Variants in BMP5 observed in about 807,000 individuals in gnomAD.
BMP5 encodes the protein bone morphogenetic protein 5.
Under a neutral mutation model 46.6 loss-of-function variants are expected in BMP5, and 23 were observed. That is an observed-to-expected ratio of 0.49 (90% CI 0.35 to 0.70). The LOEUF (loss-of-function observed/expected upper bound fraction) is 0.70, where lower values mean the gene tolerates loss of function less well. BMP5 is among the 30% of genes least tolerant of loss of function. BMP5 has a pLI of 0.00. For synonymous variants in BMP5, 204 were observed against 191.9 expected (o/e 1.06, Z -0.52); for missense variants, 545 against 565.6 (o/e 0.96, Z 0.37).
At chr6:55,832,982 G>A (rs1776702104) in intron 1 of BMP5, among the ~76,000 whole-genome samples, 1 of 152,012 alleles carries the variant, frequency 6.6e-6, no homozygotes, top group African/African-American at 2.4e-5. Context: ...GGGGAATGGT[G>A]GCACATGCCT....
At chr6:55,837,729 T>C (rs899219387) in intron 1 of BMP5, among the ~76,000 whole-genome samples, 5 of 152,192 alleles carry the variant, frequency 3.3e-5, no homozygotes, top group African/African-American at 9.6e-5. Flanking sequence ...TCTGTTGTGC[T>C]ACCAAAGAGT....
At chr6:55,842,660 CA>C (rs1278195434) in intron 1 of BMP5, among the ~76,000 whole-genome samples, 2 of 151,980 alleles carry the variant, frequency 1.3e-5, no homozygotes, top group Admixed American at 1.3e-4. Flanking sequence ...TGCCCCGACA[CA>C]AAAAACCTGG....
intron 2 of BMP5, among the ~76,000 whole-genome samples, chr6:55,806,201 G>A (rs779670743): frequency 1.3e-5 from 2 of 152,034 alleles, no homozygotes; most frequent in Non-Finnish European, 2.9e-5. Context: ...TATGATTTGG[G>A]GCTTTACATT....
chr6:55,807,210 A>T (rs1041893487), intron 2 of BMP5, among the ~76,000 whole-genome samples: 3 of 152,192 alleles, frequency 2.0e-5, no homozygotes, highest in Non-Finnish European at 4.4e-5. Flanking sequence ...TGGGTTTGTC[A>T]TAAATAGCTC....
At chr6:55,832,691 C>T (rs1776694496) in intron 1 of BMP5, among the ~76,000 whole-genome samples, 1 of 152,088 alleles carries the variant, frequency 6.6e-6, no homozygotes, top group African/African-American at 2.4e-5. Context: ...ACATCAATGC[C>T]TCCTATTAAA....
At chr6:55,841,916 CAGAGAGAGAGAG>C (rs143400522) in intron 1 of BMP5, among the ~76,000 whole-genome samples, 1 of 146,844 alleles carries the variant, frequency 6.8e-6, no homozygotes, top group Non-Finnish European at 1.5e-5. Context: ...GAGAGAGAGA[CAGAGAGAGAGAG>C]AGAGAGAGAG....
At chr6:55,844,963 GT>G (rs2127547067) in intron 1 of BMP5, among the ~76,000 whole-genome samples, 1 of 152,016 alleles carries the variant, frequency 6.6e-6, no homozygotes, top group African/African-American at 2.4e-5. Context: ...AAGACAACTT[GT>G]TTATATCATA....
At chr6:55,798,535 T>C (rs376916440) in intron 2 of BMP5, among the ~76,000 whole-genome samples, 3 of 152,186 alleles carry the variant, frequency 2.0e-5, no homozygotes, top group African/African-American at 7.2e-5. Flanking sequence ...TTGATTGTGA[T>C]ATAGATCAGT....
intron 1 of BMP5, among the ~76,000 whole-genome samples, chr6:55,838,611 A>AT (rs1459407568): frequency 6.6e-6 from 1 of 151,796 alleles, no homozygotes; most frequent in Non-Finnish European, 1.5e-5. Context: ...CACTTTGTCG[A>AT]TTTTTTTCCC....
At chr6:55,813,826 AT>A (rs1562050986) in intron 2 of BMP5, among the ~76,000 whole-genome samples, 1 of 150,964 alleles carries the variant, frequency 6.6e-6, no homozygotes. Context: ...TCTCTGTGCT[AT>A]TTTTCCAAAA....
At chr6:55,873,407 G>A (rs1013215159) in intron 1 of BMP5, among the ~76,000 whole-genome samples, 4 of 151,628 alleles carry the variant, frequency 2.6e-5, no homozygotes, top group African/African-American at 9.7e-5. Context: ...AAATATATTC[G>A]ATGTTATTTT....
rs1397244250 is a variant in BMP5 at position 55,754,719 on chromosome 6, T to C, written c.*814A>G. 2 of 151,942 alleles carry C rather than the reference T, an allele frequency of 1.3e-5. No homozygotes were observed. The highest frequency in any genetic ancestry group is 4.8e-5 in the African/African-American group (2 of 41,418). 9.4% of individuals were successfully genotyped at this position (151,942 alleles called of 1,614,324 possible). ...GTTTCTTTATTTTGGACTAGGTTTTTAAATCTGAAAAAAAAATTCTGCAGC... is the reference window on the plus strand; with the variant it reads ...GTTTCTTTATTTTGGACTAGGTTTTCAAATCTGAAAAAAAAATTCTGCAGC... On this transcript the variant is annotated 3_prime_UTR_variant, in exon 7 of 7. Coordinates refer to ENST00000370830, the MANE Select transcript of BMP5 (RefSeq NM_021073.4).
intron 2 of BMP5, among the ~76,000 whole-genome samples, chr6:55,816,827 G>C (rs1776283098): frequency 6.6e-6 from 1 of 151,986 alleles, no homozygotes; most frequent in Non-Finnish European, 1.5e-5. Flanking sequence ...GTGTGTGTGT[G>C]TGTGTGTTGT....
At chr6:55,815,596 A>G (rs1188914054) in intron 2 of BMP5, among the ~76,000 whole-genome samples, 1 of 152,164 alleles carries the variant, frequency 6.6e-6, no homozygotes, top group African/African-American at 2.4e-5. Flanking sequence ...ACCAAAGAAT[A>G]CTGAAACAAT....
intron 1 of BMP5, among the ~76,000 whole-genome samples, chr6:55,865,050 A>G (rs1449595713): frequency 6.6e-6 from 1 of 152,152 alleles, no homozygotes; most frequent in Non-Finnish European, 1.5e-5. Flanking sequence ...ACATGATTTG[A>G]GTTACAGACA....
At chr6:55,793,051 G>A (rs1022725119) in intron 3 of BMP5, among the ~76,000 whole-genome samples, 1 of 151,996 alleles carries the variant, frequency 6.6e-6, no homozygotes, top group Non-Finnish European at 1.5e-5. Flanking sequence ...GTATTTAAAG[G>A]TAGGACACCA....
chr6:55,844,973 T>C (rs906409510), intron 1 of BMP5, among the ~76,000 whole-genome samples: 3 of 152,046 alleles, frequency 2.0e-5, no homozygotes, highest in South Asian at 2.1e-4. Context: ...GTTTATATCA[T>C]ATAGCTTTAG....
At chr6:55,816,550 G>C (rs1193955055) in intron 2 of BMP5, among the ~76,000 whole-genome samples, 1 of 152,116 alleles carries the variant, frequency 6.6e-6, no homozygotes, top group Non-Finnish European at 1.5e-5. Flanking sequence ...GGAACCATTA[G>C]ATTGAGATTT....
At chr6:55,827,850 C>G (rs1420965748) in intron 1 of BMP5, among the ~76,000 whole-genome samples, 1 of 151,762 alleles carries the variant, frequency 6.6e-6, no homozygotes, top group African/African-American at 2.4e-5. Flanking sequence ...TTCAATGACA[C>G]TATGTACAAA....
Sources: gnomAD v4.1 joint callset for allele counts (sites outside exome capture counted in the v4.1 genomes callset) on GRCh38, gnomAD v4.1.1 for gene constraint, MANE v1.5 for transcripts, NCBI Gene and HGNC (gene_info 2026-07-23, HGNC 2026-07-21) for gene names.